The following GALNT14 variants were observed in gnomAD, a reference collection of about 807,000 sequenced individuals.
GALNT14 encodes UDP-GalNAc:polypeptide N-acetylgalactosaminyltransferase 14.
In GALNT14, 60 loss-of-function variants were observed where a neutral mutation model predicts 77.5. The ratio of observed to expected loss-of-function variants is 0.77; its 90% CI spans 0.63 to 0.96. The LOEUF (loss-of-function observed/expected upper bound fraction) is 0.96. Ranked by LOEUF, GALNT14 falls within the 40% of genes least tolerant of loss-of-function variation. The pLI, the probability that GALNT14 is intolerant of heterozygous loss-of-function variation, is 0.00. For synonymous variants in GALNT14, 280 were observed against 281.7 expected (o/e 0.99, Z 0.06); for missense variants, 710 against 731.0 (o/e 0.97, Z 0.33).
intron 1 of GALNT14, among the ~76,000 whole-genome samples, chr2:31,017,968 T>C (rs898636838): frequency 2.0e-5 from 3 of 152,224 alleles, no homozygotes; most frequent in African/African-American, 4.8e-5. Context: ...AAGGGTAAAA[T>C]TGCCCTCGCC....
At chr2:31,094,501 C>T (rs1050900075) in intron 1 of GALNT14, among the ~76,000 whole-genome samples, 2 of 152,188 alleles carry the variant, frequency 1.3e-5, no homozygotes, top group African/African-American at 4.8e-5. Context: ...GATCAGAGAA[C>T]CACAGGAAAC....
intron 2 of GALNT14, among the ~76,000 whole-genome samples, chr2:30,985,423 AC>A (rs1408000022): frequency 6.6e-6 from 1 of 151,996 alleles, no homozygotes; most frequent in Non-Finnish European, 1.5e-5. Flanking sequence ...AGGAATCCTG[AC>A]CCAGAGGCCC....
intron 1 of GALNT14, among the ~76,000 whole-genome samples, chr2:31,027,411 C>T (rs558260266): frequency 6.7e-6 from 1 of 148,662 alleles, no homozygotes; most frequent in South Asian, 2.1e-4. Context: ...GAGCAAAACT[C>T]CAACTCAAAA....
Position 30,912,277 on chromosome 2 carries a change from C to T in GALNT14, c.1446G>A (p.Leu482=). Residue 482 remains leucine, a synonymous_variant, in exon 14 of 15, where the codon TTG becomes TTA. Transcript: ENST00000349752. ...QEELCLSVIT[L]FPGAPVVLVL... ...CAAGAACCACTGGGGCGCCAGGGAACAAGGTGATGACTGACAGGCACAGCT... is the reference window on the plus strand; with the variant it reads ...CAAGAACCACTGGGGCGCCAGGGAATAAGGTGATGACTGACAGGCACAGCT... 6.2e-7 allele frequency: 1 copy of T among 1,614,124 alleles called. No individual in the cohort carries two copies. The highest frequency in any genetic ancestry group is 1.3e-5 in the African/African-American group (1 of 75,024).
At chr2:31,071,713 C>A (rs1445382530) in intron 1 of GALNT14, among the ~76,000 whole-genome samples, 1 of 152,212 alleles carries the variant, frequency 6.6e-6, no homozygotes, top group Non-Finnish European at 1.5e-5. Flanking sequence ...CTTCCTCTGG[C>A]CCCTGCCTGC....
chr2:31,132,868 G>T lies in GALNT14; in HGVS notation c.129+5090C>A, dbSNP rs115091870. Reference sequence around the variant, plus strand: ...GGCCACAAAATTCTAAACCTCCCCAGTTGCTCCTAGGGATAACATCACTAC... The same window carrying T: ...GGCCACAAAATTCTAAACCTCCCCATTTGCTCCTAGGGATAACATCACTAC... On this transcript the variant is annotated intron_variant, in intron 1 of 14. Transcript: ENST00000349752. 6.7e-3 allele frequency among the ~76,000 whole-genome samples: 1,026 copies of T among 152,266 alleles called. 21 individuals carry two copies. Among genetic ancestry groups the T allele is most frequent in the African/African-American group, 0.024 (986 of 41,536 alleles).
chr2:30,955,907 C>T lies in GALNT14; in HGVS notation c.532+5G>A, dbSNP rs1157119563. 21 of 1,613,778 alleles carry T rather than the reference C, an allele frequency of 1.3e-5. No individual in the cohort carries two copies. Among genetic ancestry groups the T allele is most frequent in the Non-Finnish European group, 1.8e-5 (21 of 1,180,036 alleles). ...GGAGGCTCCCGCACAACAGCTCAGA[C>T]CTACCTTGCCGTTCATTATTGCGCA... On this transcript the variant is annotated splice_donor_5th_base_variant and intron_variant, in intron 5 of 14. Transcript: ENST00000349752.
At chr2:30,991,220 A>G (rs1315922060) in intron 2 of GALNT14, 1 of 151,992 alleles carries the variant, frequency 6.6e-6, no homozygotes, top group Non-Finnish European at 1.5e-5. Context: ...GTGCGCCAGC[A>G]ACTTTCCTGG....
intron 13 of GALNT14, among the ~76,000 whole-genome samples, chr2:30,920,522 A>C (rs1292668306): frequency 1.3e-5 from 2 of 152,122 alleles, no homozygotes; most frequent in Non-Finnish European, 2.9e-5. Flanking sequence ...GCCCAGTGTT[A>C]GCAGAAGGGG....
intron 1 of GALNT14, among the ~76,000 whole-genome samples, chr2:31,101,470 T>C (rs929846612): frequency 7.2e-6 from 1 of 139,232 alleles, no homozygotes; most frequent in African/African-American, 3.0e-5. Flanking sequence ...TTGAAGAATG[T>C]ATACCTATTT....
At chr2:30,936,453 T>C (rs1450520656) in intron 9 of GALNT14, among the ~76,000 whole-genome samples, 2 of 152,206 alleles carry the variant, frequency 1.3e-5, no homozygotes, top group Non-Finnish European at 2.9e-5. Flanking sequence ...GGTACTACAT[T>C]TTAAATGGAG....
chr2:31,038,086 T>TA (rs1558514656), intron 1 of GALNT14, among the ~76,000 whole-genome samples: 36 of 35,848 alleles, frequency 1.0e-3, no homozygotes, highest in African/African-American at 2.4e-3. Context: ...ATATATATAT[T>TA]TTTTTTTTTT....
At chr2:30,986,583 C>T (rs1669313370) in intron 2 of GALNT14, among the ~76,000 whole-genome samples, 1 of 152,150 alleles carries the variant, frequency 6.6e-6, no homozygotes, top group Admixed American at 6.5e-5. Context: ...GCTAATAGTT[C>T]TCTATTGTAT....
At chr2:31,093,088 G>A (rs1315325965) in intron 1 of GALNT14, among the ~76,000 whole-genome samples, 2 of 152,164 alleles carry the variant, frequency 1.3e-5, no homozygotes, top group African/African-American at 4.8e-5. Flanking sequence ...AGCAGATCAG[G>A]GTGAGAATGA....
At chr2:31,092,988 G>T (rs1356918148) in intron 1 of GALNT14, among the ~76,000 whole-genome samples, 1 of 152,158 alleles carries the variant, frequency 6.6e-6, no homozygotes, top group Non-Finnish European at 1.5e-5. Context: ...TGCTATGTTT[G>T]TACAATATGA....
chr2:31,091,600 C>T (rs73921467), intron 1 of GALNT14, among the ~76,000 whole-genome samples: 270 of 152,256 alleles, frequency 1.8e-3, no homozygotes, highest in African/African-American at 6.3e-3. Context: ...AACTAGGTGG[C>T]TTACAAATAA....
chr2:31,058,752 A>G (rs1018269493), intron 1 of GALNT14, among the ~76,000 whole-genome samples: 4 of 152,222 alleles, frequency 2.6e-5, no homozygotes, highest in Non-Finnish European at 2.9e-5. Context: ...TCTCCACAAC[A>G]TTATAATGTG....
chr2:31,105,047 G>A (rs1677487106), intron 1 of GALNT14, among the ~76,000 whole-genome samples: 1 of 152,196 alleles, frequency 6.6e-6, no homozygotes, highest in African/African-American at 2.4e-5. Flanking sequence ...ACCAAGTGGT[G>A]AATATGTATC....
intron 1 of GALNT14, among the ~76,000 whole-genome samples, chr2:31,026,847 T>C (rs1672086391): frequency 6.6e-6 from 1 of 152,244 alleles, no homozygotes; most frequent in Non-Finnish European, 1.5e-5. Context: ...CCTTTCTTCC[T>C]CAGTCTTCCC....
Sources: allele counts gnomAD v4.1 joint callset (sites outside exome capture counted in the v4.1 genomes callset), GRCh38; gene constraint gnomAD v4.1.1; transcripts MANE v1.5; gene names NCBI Gene and HGNC (gene_info 2026-07-23, HGNC 2026-07-21).